The following PCDH11X variants were observed in gnomAD, a reference collection of about 807,000 sequenced individuals.
PCDH11X encodes protocadherin-11 X-linked.
A neutral mutation model predicts 53.3 loss-of-function variants in PCDH11X; 18 were observed. The ratio of observed to expected loss-of-function variants is 0.34; its 90% CI spans 0.23 to 0.50. The LOEUF (loss-of-function observed/expected upper bound fraction) is 0.50. Ranked by LOEUF, PCDH11X falls within the 20% of genes least tolerant of loss-of-function variation. The probability of loss-of-function intolerance (pLI) is 0.98; values close to 1 mark genes in which losing one functional copy is unlikely to be tolerated. For missense variants in PCDH11X, 570 were observed against 1,032.4 expected (o/e 0.55, Z 6.14); for synonymous variants, 279 against 393.3 (o/e 0.71, Z 3.44).
chrX:92,236,044 C>A (rs2067166126), intron 7 of PCDH11X, among the ~76,000 whole-genome samples: 1 of 111,562 alleles, frequency 9.0e-6, no homozygotes, highest in South Asian at 3.7e-4. Context: ...TTTCATATAA[C>A]AAAATGCTAA....
intron 10 of PCDH11X, among the ~76,000 whole-genome samples, chrX:92,518,891 G>A (rs1404871830): frequency 3.7e-5 from 4 of 107,305 alleles, no homozygotes; most frequent in Non-Finnish European, 1.9e-5. Flanking sequence ...CGAGTAGCTG[G>A]GACTACAAGT....
intron 6 of PCDH11X, chrX:91,983,562 T>G: frequency 2.2e-6 from 1 of 458,176 alleles, no homozygotes; most frequent in East Asian, 3.9e-5. Context: ...GGGGCTGCCG[T>G]GCGGAGGCAG....
chrX:92,103,709 G>T (rs976412029), intron 6 of PCDH11X, among the ~76,000 whole-genome samples: 2 of 112,358 alleles, frequency 1.8e-5, no homozygotes, highest in African/African-American at 6.5e-5. Flanking sequence ...CAAGTTCCTG[G>T]GGGAGAAGGT....
At chrX:91,949,718 T>G (rs2061616273) in intron 6 of PCDH11X, among the ~76,000 whole-genome samples, 1 of 111,153 alleles carries the variant, frequency 9.0e-6, no homozygotes, top group Non-Finnish European at 1.9e-5. Flanking sequence ...TGTGATAATT[T>G]TAATGATTTT....
At chrX:92,434,210 T>C (rs1355373200) in intron 9 of PCDH11X, among the ~76,000 whole-genome samples, 1 of 109,830 alleles carries the variant, frequency 9.1e-6, no homozygotes, top group Non-Finnish European at 1.9e-5. Context: ...TGCAAAGACT[T>C]TTGCCATTTA....
At chrX:92,447,770 G>GC (rs1297524137) in intron 9 of PCDH11X, among the ~76,000 whole-genome samples, 84 of 112,642 alleles carry the variant, frequency 7.5e-4, no homozygotes, top group African/African-American at 2.5e-3. Flanking sequence ...TAGATCCACT[G>GC]ACAGCTTGCA....
At chrX:91,899,817 C>G (rs1207948351) in intron 6 of PCDH11X, among the ~76,000 whole-genome samples, 1 of 110,765 alleles carries the variant, frequency 9.0e-6, no homozygotes, top group Admixed American at 9.6e-5. Context: ...ATGTTCTTAA[C>G]AAAATAAGGA....
At chrX:92,499,716 C>T (rs1337407597) in intron 10 of PCDH11X, among the ~76,000 whole-genome samples, 6 of 91,988 alleles carry the variant, frequency 6.5e-5, no homozygotes, top group Admixed American at 3.8e-4. Context: ...ACTATAGTCC[C>T]AACTACTCAC....
chrX:92,149,399 G>A (rs2065388414), intron 6 of PCDH11X, among the ~76,000 whole-genome samples: 1 of 108,956 alleles, frequency 9.2e-6, no homozygotes, highest in African/African-American at 3.4e-5. Flanking sequence ...CAAGGATATA[G>A]GCTGGAATGA....
chrX:92,300,964 A>G (rs1429413140), intron 8 of PCDH11X, among the ~76,000 whole-genome samples: 1 of 111,829 alleles, frequency 8.9e-6, no homozygotes, highest in African/African-American at 3.3e-5. Flanking sequence ...GCAATGGCAC[A>G]GTAGGGTGTA....
chrX:91,952,993 G>A (rs1456927442), intron 6 of PCDH11X, among the ~76,000 whole-genome samples: 1 of 110,494 alleles, frequency 9.1e-6, no homozygotes, highest in African/African-American at 3.3e-5. Flanking sequence ...GGATCTAAAA[G>A]TCAAATCAAT....
At chrX:92,073,787 TG>T (rs1268904578) in intron 6 of PCDH11X, among the ~76,000 whole-genome samples, 1 of 111,301 alleles carries the variant, frequency 9.0e-6, no homozygotes, top group African/African-American at 3.3e-5. Flanking sequence ...TCAACAAAGA[TG>T]GGGGTGGTTT....
At chrX:91,793,638 G>C (rs2524836) in intron 1 of PCDH11X, among the ~76,000 whole-genome samples, 3 of 111,621 alleles carry the variant, frequency 2.7e-5, no homozygotes, top group Admixed American at 9.6e-5. Flanking sequence ...CAAACTTCAA[G>C]GGATTGTCTT....
chrX:91,854,001 T>G (rs1938182747), intron 5 of PCDH11X, among the ~76,000 whole-genome samples: 4 of 111,661 alleles, frequency 3.6e-5, no homozygotes, highest in Non-Finnish European at 7.5e-5. Context: ...ATTTATCCTT[T>G]GTGTTACACA....
At chrX:91,996,647 T>A (rs2062427510) in intron 6 of PCDH11X, among the ~76,000 whole-genome samples, 1 of 19,696 alleles carries the variant, frequency 5.1e-5, no homozygotes, top group Admixed American at 8.8e-4. Flanking sequence ...CTTCTCCTCT[T>A]CAGCCTAATT....
In PCDH11X at chrX:91,877,804, C is replaced by T. The variant is rs1174767948; in HGVS notation, c.1564C>T (p.Leu522=). Residue 522 remains leucine, a synonymous_variant, in exon 6 of 11, where the codon CTG becomes TTG. Transcript: ENST00000682573. The part of the protein sequence containing the change: ...EFSLDCRTGM[L]TVVKKLDREK... ...CAGCCTGGATTGTCGTACAGGCATG[C>T]TGACTGTAGTGAAGAAACTAGATAG... 7.4e-6 allele frequency: 9 copies of T among 1,211,390 alleles called. No individual in the cohort carries two copies. The highest frequency in any genetic ancestry group is 8.9e-6 in the Non-Finnish European group (8 of 895,304).
chrX:92,024,815 G>A (rs1355705545), intron 6 of PCDH11X, among the ~76,000 whole-genome samples: 1 of 105,990 alleles, frequency 9.4e-6, no homozygotes, highest in African/African-American at 3.4e-5. Flanking sequence ...GCAAAACTTC[G>A]TGGTACTGAC....
At chrX:92,146,785 G>A (rs1244195979) in intron 6 of PCDH11X, among the ~76,000 whole-genome samples, 1 of 110,753 alleles carries the variant, frequency 9.0e-6, no homozygotes, top group Non-Finnish European at 1.9e-5. Context: ...GATCACCTGA[G>A]GTCAGGAGTT....
At chrX:92,129,219 C>T (rs1345499348) in intron 6 of PCDH11X, among the ~76,000 whole-genome samples, 1 of 109,924 alleles carries the variant, frequency 9.1e-6, no homozygotes, top group Non-Finnish European at 1.9e-5. Context: ...GGAGAAGCCC[C>T]TGTCTCTACT....
Sources: allele counts gnomAD v4.1 joint callset (sites outside exome capture counted in the v4.1 genomes callset), GRCh38; gene constraint gnomAD v4.1.1; transcripts MANE v1.5; gene names NCBI Gene and HGNC (gene_info 2026-07-23, HGNC 2026-07-21).